Variants in MED13L observed in about 807,000 individuals in gnomAD.
MED13L encodes mediator complex subunit 13L.
MED13L carries 7 observed loss-of-function variants against 220.9 expected under a neutral mutation model. That is an observed-to-expected ratio of 0.03 (90% confidence interval 0.02 to 0.06). The LOEUF is 0.06. Among genes scored for constraint, MED13L ranks in the 10% least tolerant of loss-of-function variants. The pLI is 1.00. For missense variants in MED13L, 1,965 were observed against 2,760.5 expected (o/e 0.71, Z 6.46); for synonymous variants, 1,011 against 1,015.2 (o/e 1.00, Z 0.08).
chr12:116,124,272 G>C (rs951728491), intron 2 of MED13L, among the ~76,000 whole-genome samples: 1 of 151,932 alleles, frequency 6.6e-6, no homozygotes, highest in Non-Finnish European at 1.5e-5. Flanking sequence ...AGACCTGATG[G>C]GTACCTTGGC....
chr12:116,067,153 A>C lies in MED13L; in HGVS notation c.479+29516T>G, dbSNP rs1017632741. On this transcript the variant is annotated intron_variant, in intron 4 of 30. Coordinates refer to ENST00000281928, the MANE Select transcript of MED13L (RefSeq NM_015335.5). ...TAAGATAGAGAATTATAAACAGAGAATATGAAATATGTAAAAACTATTTTT... is the reference window on the plus strand; with the variant it reads ...TAAGATAGAGAATTATAAACAGAGACTATGAAATATGTAAAAACTATTTTT... 9.7e-4 allele frequency among the ~76,000 whole-genome samples: 147 copies of C among 152,320 alleles called. 1 individual carries two copies. Among genetic ancestry groups the C allele is most frequent in the African/African-American group, 3.4e-3 (142 of 41,576 alleles).
chr12:116,225,043 C>T (rs1868824492), intron 2 of MED13L, among the ~76,000 whole-genome samples: 1 of 152,114 alleles, frequency 6.6e-6, no homozygotes, highest in Non-Finnish European at 1.5e-5. Flanking sequence ...AGCATCCTCT[C>T]GTACACCATT....
intron 2 of MED13L, among the ~76,000 whole-genome samples, chr12:116,192,775 T>C (rs1488745677): frequency 6.6e-6 from 1 of 152,150 alleles, no homozygotes; most frequent in Non-Finnish European, 1.5e-5. Flanking sequence ...CTGCTTTAGT[T>C]CAGCAGTTCA....
intron 10 of MED13L, 66 bp from the exon 11 acceptor site, chr12:116,007,702 CTT>C: frequency 7.1e-7 from 1 of 1,404,140 alleles, no homozygotes; most frequent in Non-Finnish European, 9.8e-7. Context: ...AAAGTTTAAA[CTT>C]TTTGTAAAAA....
intron 2 of MED13L, among the ~76,000 whole-genome samples, chr12:116,225,294 G>A (rs532309140): frequency 1.3e-5 from 2 of 152,194 alleles, no homozygotes; most frequent in East Asian, 1.9e-4. Context: ...GGATGAGGGG[G>A]TACTTTTAAA....
intron 2 of MED13L, among the ~76,000 whole-genome samples, chr12:116,199,667 C>G (rs191204365): frequency 6.6e-6 from 1 of 152,062 alleles, no homozygotes; most frequent in African/African-American, 2.4e-5. Context: ...ATTTTAAGAC[C>G]AGGAATCCAT....
intron 2 of MED13L, among the ~76,000 whole-genome samples, chr12:116,175,980 G>A (rs554643199): frequency 6.6e-6 from 1 of 152,150 alleles, no homozygotes; most frequent in African/African-American, 2.4e-5. Context: ...AAAACAGTCT[G>A]GCTAGAGATG....
intron 3 of MED13L, among the ~76,000 whole-genome samples, chr12:116,099,149 C>G (rs1872851462): frequency 6.6e-6 from 1 of 152,190 alleles, no homozygotes; most frequent in African/African-American, 2.4e-5. Flanking sequence ...GTGAGAATGT[C>G]ATCCAGATAA....
chr12:116,125,639 G>A (rs1270314849), intron 2 of MED13L, among the ~76,000 whole-genome samples: 1 of 152,102 alleles, frequency 6.6e-6, no homozygotes, highest in African/African-American at 2.4e-5. Flanking sequence ...AATTTCTACT[G>A]TCGGTGCCCA....
chr12:115,995,951 CT>C (rs1878374546), intron 16 of MED13L, among the ~76,000 whole-genome samples: 1 of 152,186 alleles, frequency 6.6e-6, no homozygotes, highest in Non-Finnish European at 1.5e-5. Flanking sequence ...AGTAAATCCA[CT>C]GTAAGTCAGG....
At chr12:116,050,277 T>C (rs890313096) in intron 4 of MED13L, among the ~76,000 whole-genome samples, 3 of 152,180 alleles carry the variant, frequency 2.0e-5, no homozygotes, top group Non-Finnish European at 4.4e-5. Flanking sequence ...TTAGAAAATA[T>C]GTGAGCGGGC....
At chr12:116,172,432 T>C (rs1364184910) in intron 2 of MED13L, among the ~76,000 whole-genome samples, 1 of 152,286 alleles carries the variant, frequency 6.6e-6, no homozygotes, top group East Asian at 1.9e-4. Flanking sequence ...TCTCAGACTA[T>C]CTGAAAGGAC....
chr12:115,961,639 C>T (rs1875762796), intron 30 of MED13L: 3 of 552,260 alleles, frequency 5.4e-6, no homozygotes, highest in Non-Finnish European at 9.7e-6. Context: ...CCAGTAGGAA[C>T]TTGCGTGGAC....
At chr12:116,041,674 C>A (rs1881540068) in intron 4 of MED13L, among the ~76,000 whole-genome samples, 1 of 152,180 alleles carries the variant, frequency 6.6e-6, no homozygotes, top group Non-Finnish European at 1.5e-5. Context: ...GAAACCCCGT[C>A]TCTACCAAAA....
chr12:116,179,759 A>G (rs1880380833), intron 2 of MED13L, among the ~76,000 whole-genome samples: 1 of 152,092 alleles, frequency 6.6e-6, no homozygotes, highest in Admixed American at 6.6e-5. Flanking sequence ...GGAGAACTAA[A>G]GAGATGAGGG....
intron 4 of MED13L, among the ~76,000 whole-genome samples, chr12:116,029,167 GAAAT>G (rs946223928): frequency 7.5e-6 from 1 of 133,606 alleles, no homozygotes; most frequent in African/African-American, 2.8e-5. Flanking sequence ...TATTATAAAA[GAAAT>G]AAATAAGGAA....
chr12:116,075,410 T>C (rs532821960), intron 4 of MED13L, among the ~76,000 whole-genome samples: 2 of 152,342 alleles, frequency 1.3e-5, no homozygotes, highest in East Asian at 1.9e-4. Context: ...CCTTCTCCTT[T>C]AAAATGTGTT....
intron 2 of MED13L, among the ~76,000 whole-genome samples, chr12:116,189,132 C>G (rs551768930): frequency 6.6e-6 from 1 of 152,222 alleles, no homozygotes; most frequent in South Asian, 2.1e-4. Flanking sequence ...AAACTCCAAA[C>G]AGTTTTTATA....
intron 2 of MED13L, among the ~76,000 whole-genome samples, chr12:116,172,722 T>C (rs1049721356): frequency 1.3e-5 from 2 of 152,116 alleles, no homozygotes; most frequent in Admixed American, 1.3e-4. Flanking sequence ...TTTGTGGGAA[T>C]CGCGACAGAC....
Sources: gnomAD v4.1 joint callset for allele counts (sites outside exome capture counted in the v4.1 genomes callset) on GRCh38, gnomAD v4.1.1 for gene constraint, MANE v1.5 for transcripts, NCBI Gene and HGNC (gene_info 2026-07-23, HGNC 2026-07-21) for gene names.